The following ITPRID1 variants were observed in gnomAD, a reference collection of about 807,000 sequenced individuals.
The protein encoded by ITPRID1 is ITPR interacting domain containing 1.
ITPRID1 carries 96 observed loss-of-function variants against 95.4 expected under a neutral mutation model. That is an observed-to-expected ratio of 1.01 (90% CI 0.85 to 1.19). ITPRID1 has a LOEUF of 1.19. ITPRID1 is among the 50% of genes most tolerant of loss of function. The probability of loss-of-function intolerance (pLI) is 0.00; values close to 1 mark genes in which losing one functional copy is unlikely to be tolerated. For synonymous variants in ITPRID1, 510 were observed against 453.6 expected, an observed-to-expected ratio of 1.12 and a Z score of -1.58; for missense variants, 1,339 against 1,252.9, an observed-to-expected ratio of 1.07 and a Z score of -1.04.
intron 1 of ITPRID1, 124 bp downstream of exon 1, chr7:31,514,244 C>G (rs1782982491): frequency 6.6e-6 from 1 of 152,102 alleles, no homozygotes; most frequent in East Asian, 1.9e-4. Context: ...TGTGTGTGCT[C>G]TAGGAACCTA....
chr7:31,586,723 G>T (rs1785628549), intron 10 of ITPRID1, among the ~76,000 whole-genome samples: 1 of 151,998 alleles, frequency 6.6e-6, no homozygotes, highest in South Asian at 2.1e-4. Flanking sequence ...TGAGTTCATT[G>T]TAGATTCTGG....
intron 2 of ITPRID1, among the ~76,000 whole-genome samples, chr7:31,552,630 A>G (rs1471917728): frequency 6.6e-6 from 1 of 152,176 alleles, no homozygotes; most frequent in Non-Finnish European, 1.5e-5. Context: ...TTTGGGCCTC[A>G]AAAATAATTT....
chr7:31,599,864 T>C (rs994009543), intron 10 of ITPRID1, among the ~76,000 whole-genome samples: 18 of 151,356 alleles, frequency 1.2e-4, no homozygotes, highest in Non-Finnish European at 1.5e-5. Context: ...CCCGGCTAAG[T>C]TTTTTTTGTA....
intron 5 of ITPRID1, among the ~76,000 whole-genome samples, 171 bp from the exon 6 acceptor site, chr7:31,569,587 T>C (rs1441072937): frequency 6.6e-6 from 1 of 152,238 alleles, no homozygotes; most frequent in Non-Finnish European, 1.5e-5. Flanking sequence ...TGTCATACCA[T>C]GTAGCCATTA....
chr7:31,532,934 GC>G (rs1382559564), intron 1 of ITPRID1, among the ~76,000 whole-genome samples: 1 of 152,020 alleles, frequency 6.6e-6, no homozygotes, highest in Non-Finnish European at 1.5e-5. Flanking sequence ...TTTTGTTAAA[GC>G]TTTTTGTATC....
At chr7:31,647,616 G>C (rs1333916960) in intron 12 of ITPRID1, among the ~76,000 whole-genome samples, 1 of 142,374 alleles carries the variant, frequency 7.0e-6, no homozygotes, top group Non-Finnish European at 1.5e-5. Flanking sequence ...GGAGACTGCA[G>C]TGAGGTGAGA....
At chr7:31,646,210 A>G (rs1790452577) in intron 12 of ITPRID1, among the ~76,000 whole-genome samples, 1 of 152,168 alleles carries the variant, frequency 6.6e-6, no homozygotes, top group Non-Finnish European at 1.5e-5. Context: ...GTTTTTCTAG[A>G]CCTGTTTAAT....
intron 1 of ITPRID1, among the ~76,000 whole-genome samples, chr7:31,521,230 G>A (rs1443433605): frequency 6.6e-6 from 1 of 151,564 alleles, no homozygotes; most frequent in Non-Finnish European, 1.5e-5. Flanking sequence ...CCCTCCAAAC[G>A]TTGCTTTTGC....
At chr7:31,539,688 G>A (rs558120429) in intron 1 of ITPRID1, among the ~76,000 whole-genome samples, 30 of 152,302 alleles carry the variant, frequency 2.0e-4, no homozygotes, top group Middle Eastern at 3.4e-3. Context: ...CCTGAGAGGG[G>A]CTTCTGGCTG....
rs1020804108 is a variant in ITPRID1 at position 31,653,666 on chromosome 7, G to A, written c.*837G>A. 1 of 152,154 alleles carries A rather than the reference G, an allele frequency of 6.6e-6. No individual in the cohort carries two copies. Among genetic ancestry groups the A allele is most frequent in the African/African-American group, 2.4e-5 (1 of 41,434 alleles). The allele number at this position is 152,154 out of a possible 1,614,324, so 9.4% of individuals were successfully genotyped here. A position where few individuals can be genotyped will look rare whatever the true frequency, so the allele number is the denominator to read the frequency against. ...TATCTCATTTAGAAATAAAATGGGA[G>A]GCAGATTGCCTGATGCAGCTCCTAA... On this transcript the variant is annotated 3_prime_UTR_variant, in exon 15 of 15. Transcript: ENST00000615280.
chr7:31,556,598 G>A lies in ITPRID1; in HGVS notation c.256+1697G>A, dbSNP rs142607408. Among the ~76,000 whole-genome samples the A allele has an allele frequency of 1.1e-4, 16 of 152,224 alleles. No individual in the cohort carries two copies. The South Asian group carries it at 1.9e-3, about 18-fold the overall frequency. On this transcript the variant is annotated intron_variant, in intron 5 of 14. Coordinates refer to ENST00000615280, the MANE Select transcript of ITPRID1 (RefSeq NM_001257967.3). ...TTGGGGGAGCTGAGAGACACATTGA[G>A]AATGGTGGATGCTAGAACAGTACCA...
intron 6 of ITPRID1, among the ~76,000 whole-genome samples, chr7:31,570,235 G>A (rs1445794688): frequency 6.6e-6 from 1 of 152,118 alleles, no homozygotes. Context: ...CTTCATTGGA[G>A]GAAATACTAG....
intron 5 of ITPRID1, among the ~76,000 whole-genome samples, chr7:31,567,906 G>T (rs1562574706): frequency 6.6e-6 from 1 of 152,058 alleles, no homozygotes; most frequent in East Asian, 1.9e-4. Context: ...CAGGTGGATC[G>T]CTTGAGGCCA....
intron 12 of ITPRID1, among the ~76,000 whole-genome samples, chr7:31,648,492 G>T (rs1301590133): frequency 6.6e-6 from 1 of 152,022 alleles, no homozygotes; most frequent in Non-Finnish European, 1.5e-5. Context: ...CCAGAAGATG[G>T]CAGCATTTCA....
At chr7:31,572,893 C>T (rs1011074542) in intron 7 of ITPRID1, among the ~76,000 whole-genome samples, 1 of 152,098 alleles carries the variant, frequency 6.6e-6, no homozygotes, top group African/African-American at 2.4e-5. Context: ...AGCATAGAAC[C>T]TAGAACATGA....
chr7:31,643,966 C>T lies in ITPRID1; in HGVS notation c.2583+13C>T. On this transcript the variant is annotated intron_variant, in intron 12 of 14. Coordinates refer to ENST00000615280, the MANE Select transcript of ITPRID1 (RefSeq NM_001257967.3). ...GGAGCTATGTTCCGTAAGTGTTCAC[C>T]CTGGCAAAGATGGAAAGGCAGATGC... The T allele has an allele frequency of 1.3e-6, 2 of 1,586,858 alleles. No homozygotes were observed. Among genetic ancestry groups the T allele is most frequent in the Non-Finnish European group, 1.7e-6 (2 of 1,167,528 alleles).
chr7:31,628,736 T>A (rs38370), intron 10 of ITPRID1, among the ~76,000 whole-genome samples: 3 of 152,086 alleles, frequency 2.0e-5, no homozygotes, highest in Non-Finnish European at 2.9e-5. Context: ...GATTACAGGC[T>A]TGAGCCACCG....
intron 12 of ITPRID1, among the ~76,000 whole-genome samples, chr7:31,650,009 T>C (rs1450314063): frequency 6.6e-6 from 1 of 152,022 alleles, no homozygotes; most frequent in Non-Finnish European, 1.5e-5. Context: ...CACAAAGAAT[T>C]GGTCCATGTC....
chr7:31,625,336 G>A lies in ITPRID1; in HGVS notation c.1229-16840G>A, dbSNP rs554051133. Among the ~76,000 whole-genome samples the A allele has an allele frequency of 1.4e-4, 21 of 151,828 alleles. No homozygotes were observed. The East Asian group carries it at 1.5e-3, about 11-fold the overall frequency. ...ACACATGCACTCATATGTTTATTGCGGCACTATTCACAATAGCAAAGACTT... is the reference window on the plus strand; with the variant it reads ...ACACATGCACTCATATGTTTATTGCAGCACTATTCACAATAGCAAAGACTT... On this transcript the variant is annotated intron_variant, in intron 10 of 14. Coordinates refer to ENST00000615280, the MANE Select transcript of ITPRID1 (RefSeq NM_001257967.3).
Sources: allele counts gnomAD v4.1 joint callset (sites outside exome capture counted in the v4.1 genomes callset), GRCh38; gene constraint gnomAD v4.1.1; transcripts MANE v1.5; gene names NCBI Gene and HGNC (gene_info 2026-07-23, HGNC 2026-07-21).